Variants in INSL6 observed in about 807,000 individuals in gnomAD.
INSL6 encodes insulin like 6.
In INSL6, 16 loss-of-function variants were observed where a neutral mutation model predicts 9.4. The ratio of observed to expected loss-of-function variants is 1.70; its 90% confidence interval spans 1.15 to 2.59. The LOEUF is 2.59. Ranked by LOEUF, INSL6 falls within the 30% of genes most tolerant of loss-of-function variation. The pLI is 0.00. For synonymous variants in INSL6, 154 were observed against 96.9 expected, an observed-to-expected ratio of 1.59 and a Z score of -3.46; for missense variants, 391 against 257.3, an observed-to-expected ratio of 1.52 and a Z score of -3.56.
the INSL6 span, among the ~76,000 whole-genome samples, chr9:5,102,054 G>A: frequency 6.6e-6 from 1 of 152,218 alleles, no homozygotes; most frequent in Non-Finnish European, 1.5e-5. Flanking sequence ...CGAGCTGACA[G>A]AAGTAGGCTT....
chr9:5,183,204 T>A (rs1325243756), intron 1 of INSL6, among the ~76,000 whole-genome samples: 2 of 152,216 alleles, frequency 1.3e-5, no homozygotes, highest in Non-Finnish European at 2.9e-5. Flanking sequence ...ATAAATGTCA[T>A]CTTCCCTTAT....
the INSL6 span, among the ~76,000 whole-genome samples, chr9:5,021,038 G>A: frequency 1.3e-5 from 2 of 152,066 alleles, no homozygotes; most frequent in South Asian, 2.1e-4. Context: ...GAAAGTTGAC[G>A]GGCTCTCTTG....
intron 2 of INSL6, among the ~76,000 whole-genome samples, chr9:5,135,483 A>C (rs1211764841): frequency 6.6e-6 from 1 of 152,188 alleles, no homozygotes; most frequent in Non-Finnish European, 1.5e-5. Context: ...AAAACCACAC[A>C]ACTACATGGA....
At chr9:5,010,036 T>A in the INSL6 span, among the ~76,000 whole-genome samples, 1 of 152,188 alleles carries the variant, frequency 6.6e-6, no homozygotes. Context: ...ACTTCCAAAT[T>A]GCTGGGATTG....
chr9:5,139,279 GT>G (rs137993687), intron 2 of INSL6, among the ~76,000 whole-genome samples: 124 of 152,010 alleles, frequency 8.2e-4, no homozygotes, highest in Non-Finnish European at 1.4e-3. Context: ...ATTTTTTCAC[GT>G]GCAGTTTAGT....
the INSL6 span, among the ~76,000 whole-genome samples, chr9:5,052,500 A>G: frequency 6.6e-6 from 1 of 152,114 alleles, no homozygotes; most frequent in African/African-American, 2.4e-5. Context: ...GAGATAATTT[A>G]CAAATCATAA....
At chr9:5,025,755 C>T in the INSL6 span, among the ~76,000 whole-genome samples, 19 of 152,166 alleles carry the variant, frequency 1.2e-4, no homozygotes, top group Non-Finnish European at 1.8e-4. Context: ...TTATCTCAAA[C>T]TCCTGACTTC....
intron 3 of INSL6, among the ~76,000 whole-genome samples, chr9:5,130,920 G>A (rs1028160018): frequency 2.7e-5 from 4 of 150,688 alleles, no homozygotes; most frequent in Non-Finnish European, 4.4e-5. Flanking sequence ...TAGTAGAGAC[G>A]GGGTTTCACT....
chr9:5,054,630 C>A, the INSL6 span: 3 of 1,612,462 alleles, frequency 1.9e-6, no homozygotes, highest in Non-Finnish European at 2.5e-6. The surrounding 1 kb of genome is among the most constrained non-coding windows in gnomAD (Gnocchi z 4.9). Context: ...GACAAGGAAG[C>A]GAATAAGGTA....
the INSL6 span, among the ~76,000 whole-genome samples, chr9:5,027,246 A>G: frequency 1.3e-5 from 2 of 152,242 alleles, no homozygotes; most frequent in African/African-American, 2.4e-5. Flanking sequence ...AGACTATCGC[A>G]GTGAAGCAAA....
chr9:5,072,633 A>G, the INSL6 span: 1 of 1,583,834 alleles, frequency 6.3e-7, no homozygotes, highest in Admixed American at 1.8e-5. Context: ...AGAGGTGTGT[A>G]TGTTCTTTAT....
the INSL6 span, among the ~76,000 whole-genome samples, chr9:5,060,706 A>C: frequency 3.3e-5 from 5 of 152,206 alleles, no homozygotes; most frequent in Non-Finnish European, 7.3e-5. Flanking sequence ...GTTGGAATCA[A>C]CTTCTTCCAA....
At chr9:5,043,367 G>T in the INSL6 span, among the ~76,000 whole-genome samples, 1 of 151,914 alleles carries the variant, frequency 6.6e-6, no homozygotes, top group African/African-American at 2.4e-5. Context: ...AACATCATTG[G>T]TCATTAGAGA....
chr9:5,151,965 C>T (rs1025827196), intron 2 of INSL6, among the ~76,000 whole-genome samples: 4 of 151,860 alleles, frequency 2.6e-5, no homozygotes, highest in Non-Finnish European at 5.9e-5. Flanking sequence ...GATGGAAACA[C>T]TAATTATAAG....
chr9:5,151,493 G>A (rs999540448), intron 2 of INSL6, among the ~76,000 whole-genome samples: 1 of 150,882 alleles, frequency 6.6e-6, no homozygotes, highest in Non-Finnish European at 1.5e-5. Context: ...ACAAACACCA[G>A]AAAAAAATGG....
the INSL6 span, among the ~76,000 whole-genome samples, chr9:5,047,908 T>G: frequency 1.3e-5 from 2 of 152,110 alleles, no homozygotes; most frequent in African/African-American, 4.8e-5. Context: ...GCCTGAAATT[T>G]TTCAGTAGTT....
chr9:5,138,347 G>C (rs1824425853), intron 2 of INSL6, among the ~76,000 whole-genome samples: 1 of 152,196 alleles, frequency 6.6e-6, no homozygotes, highest in Non-Finnish European at 1.5e-5. Flanking sequence ...GCCCATCAGT[G>C]ATAGACTGGA....
intron 2 of INSL6, among the ~76,000 whole-genome samples, chr9:5,152,750 T>C (rs1428092437): frequency 6.7e-6 from 1 of 149,818 alleles, no homozygotes; most frequent in Non-Finnish European, 1.5e-5. Flanking sequence ...AGACCAAGAG[T>C]TGCTGGTGAG....
At chr9:5,060,399 A>G in the INSL6 span, among the ~76,000 whole-genome samples, 2 of 152,228 alleles carry the variant, frequency 1.3e-5, no homozygotes, top group Non-Finnish European at 2.9e-5. Flanking sequence ...GAATTTCTTT[A>G]GAAATGAGTC....
Sources: allele counts gnomAD v4.1 joint callset (sites outside exome capture counted in the v4.1 genomes callset), GRCh38; gene constraint gnomAD v4.1.1; non-coding constraint Gnocchi (gnomAD v3.1); transcripts MANE v1.5; gene names NCBI Gene and HGNC (gene_info 2026-07-23, HGNC 2026-07-21).